Variants in BTG4 observed in about 807,000 individuals in gnomAD.
BTG4 encodes protein BTG4.
Under a neutral mutation model 19.3 loss-of-function variants are expected in BTG4, and 10 were observed. The ratio of observed to expected loss-of-function variants is 0.52; its 90% CI spans 0.32 to 0.88. BTG4 has a LOEUF of 0.88. BTG4 is among the 40% of genes least tolerant of loss of function. The pLI is 0.04. For missense variants in BTG4, 238 were observed against 281.9 expected (o/e 0.84, Z 1.11); for synonymous variants, 91 against 95.7 (o/e 0.95, Z 0.29).
At chr11:111,399,814 C>T in the BTG4 span, among the ~76,000 whole-genome samples, 1 of 152,162 alleles carries the variant, frequency 6.6e-6, no homozygotes, top group Admixed American at 6.5e-5. Flanking sequence ...CAGACCACAG[C>T]TGAGGTTGGT....
At chr11:111,474,460 A>G (rs1864278862) in intron 5 of BTG4, among the ~76,000 whole-genome samples, 1 of 152,094 alleles carries the variant, frequency 6.6e-6, no homozygotes, top group South Asian at 2.1e-4. Context: ...TTTATTGCTT[A>G]TTTTGCTCCA....
chr11:111,405,991 G>A, the BTG4 span, among the ~76,000 whole-genome samples: 1 of 152,156 alleles, frequency 6.6e-6, no homozygotes, highest in African/African-American at 2.4e-5. Context: ...GCATTCTGCA[G>A]ATATAACATA....
chr11:111,431,598 G>C, the BTG4 span, among the ~76,000 whole-genome samples: 1 of 152,204 alleles, frequency 6.6e-6, no homozygotes. Flanking sequence ...ATCAACAGAA[G>C]TTAACTGATT....
chr11:111,406,463 C>G, the BTG4 span, among the ~76,000 whole-genome samples: 1 of 152,188 alleles, frequency 6.6e-6, no homozygotes, highest in Non-Finnish European at 1.5e-5. Context: ...CAGTGTCTTG[C>G]CTCTGCTCAC....
At chr11:111,439,355 G>A in the BTG4 span, among the ~76,000 whole-genome samples, 1 of 152,186 alleles carries the variant, frequency 6.6e-6, no homozygotes, top group South Asian at 2.1e-4. Flanking sequence ...ACCTGCACCT[G>A]CACTGTTTGT....
At chr11:111,444,988 A>C in the BTG4 span, among the ~76,000 whole-genome samples, 8 of 152,348 alleles carry the variant, frequency 5.3e-5, no homozygotes, top group South Asian at 1.7e-3. Flanking sequence ...ATAGGACATA[A>C]GCCTTAGAGG....
chr11:111,513,081 G>C (rs1867067800), upstream of BTG4: 1 of 441,394 alleles, frequency 2.3e-6, no homozygotes, highest in African/African-American at 2.0e-5. Context: ...CAGCCTTCGA[G>C]AGAAGATGCC....
At chr11:111,384,644 C>T in the BTG4 span, 1 of 152,084 alleles carries the variant, frequency 6.6e-6, no homozygotes, top group Non-Finnish European at 1.5e-5. Flanking sequence ...TTCAGACCTA[C>T]AAGACTCCCA....
At chr11:111,384,262 T>C in the BTG4 span, among the ~76,000 whole-genome samples, 2 of 152,022 alleles carry the variant, frequency 1.3e-5, no homozygotes, top group Admixed American at 6.5e-5. Context: ...ATAATGCTAA[T>C]AGTGGTTATT....
chr11:111,447,887 C>T, the BTG4 span, among the ~76,000 whole-genome samples: 1 of 152,096 alleles, frequency 6.6e-6, no homozygotes, highest in Non-Finnish European at 1.5e-5. Flanking sequence ...TGTCCCTGTG[C>T]CTCTCCTGTA....
At chr11:111,407,260 C>T in the BTG4 span, among the ~76,000 whole-genome samples, 1 of 149,318 alleles carries the variant, frequency 6.7e-6, no homozygotes, top group African/African-American at 2.4e-5. Context: ...ACATATCTAA[C>T]ATATATTATA....
the BTG4 span, among the ~76,000 whole-genome samples, chr11:111,411,263 C>G: frequency 6.6e-6 from 1 of 152,144 alleles, no homozygotes; most frequent in African/African-American, 2.4e-5. Context: ...CCTGTTCATC[C>G]TGCTCCTGTC....
At chr11:111,422,213 G>T in the BTG4 span, among the ~76,000 whole-genome samples, 1 of 152,124 alleles carries the variant, frequency 6.6e-6, no homozygotes, top group African/African-American at 2.4e-5. Flanking sequence ...CCAGCAAATC[G>T]TTCCTCCAGC....
the BTG4 span, among the ~76,000 whole-genome samples, chr11:111,436,976 C>A: frequency 6.6e-6 from 1 of 152,220 alleles, no homozygotes; most frequent in Non-Finnish European, 1.5e-5. Flanking sequence ...GCAGACGCTG[C>A]AGGGCAGAAC....
At chr11:111,439,980 T>C in the BTG4 span, among the ~76,000 whole-genome samples, 2 of 152,208 alleles carry the variant, frequency 1.3e-5, no homozygotes, top group Non-Finnish European at 2.9e-5. Flanking sequence ...CTTAGCAGCC[T>C]AAGACAACGG....
chr11:111,461,314 G>C, the BTG4 span, among the ~76,000 whole-genome samples: 2 of 152,182 alleles, frequency 1.3e-5, no homozygotes, highest in Non-Finnish European at 2.9e-5. Flanking sequence ...AGGAGGGTGA[G>C]AACAATTTCC....
the BTG4 span, chr11:111,458,365 A>C: frequency 7.5e-4 from 115 of 152,416 alleles, no homozygotes; most frequent in African/African-American, 2.6e-3. Context: ...TGACCAAGGG[A>C]AGAGAGAAGG....
At chr11:111,405,623 C>T in the BTG4 span, among the ~76,000 whole-genome samples, 1 of 151,936 alleles carries the variant, frequency 6.6e-6, no homozygotes, top group Non-Finnish European at 1.5e-5. Context: ...CCCAATGTTG[C>T]CACTGCCAGA....
the BTG4 span, among the ~76,000 whole-genome samples, chr11:111,424,943 C>T: frequency 6.6e-6 from 1 of 152,130 alleles, no homozygotes; most frequent in Non-Finnish European, 1.5e-5. Flanking sequence ...TTAATAAAAA[C>T]AAGCCCGGTC....
Sources: allele counts gnomAD v4.1 joint callset (sites outside exome capture counted in the v4.1 genomes callset), GRCh38; gene constraint gnomAD v4.1.1; transcripts MANE v1.5; gene names NCBI Gene and HGNC (gene_info 2026-07-23, HGNC 2026-07-21).